The following PAPOLG variants were observed in gnomAD, a reference collection of about 807,000 sequenced individuals.
PAPOLG encodes poly(A) polymerase gamma.
In PAPOLG, 40 loss-of-function variants were observed where a neutral mutation model predicts 99.0. The observed-to-expected ratio is 0.40, with a 90% CI of 0.31 to 0.53. The LOEUF (loss-of-function observed/expected upper bound fraction) is 0.53, where lower values mean the gene tolerates loss of function less well. PAPOLG is among the 20% of genes least tolerant of loss of function. The pLI, the probability that PAPOLG is intolerant of heterozygous loss-of-function variation, is 0.41. For missense variants in PAPOLG, 675 were observed against 884.1 expected, an observed-to-expected ratio of 0.76 and a Z score of 3.00; for synonymous variants, 310 against 299.3, an observed-to-expected ratio of 1.04 and a Z score of -0.37.
intron 1 of PAPOLG, 111 bp downstream of exon 1, chr2:60,756,606 C>A: frequency 8.3e-7 from 1 of 1,209,748 alleles, no homozygotes; most frequent in Non-Finnish European, 1.1e-6. Context: ...CGCAGCTCGC[C>A]GGGATGGTCT....
chr2:60,784,716 T>A (rs190301153), intron 13 of PAPOLG, among the ~76,000 whole-genome samples: 2 of 152,354 alleles, frequency 1.3e-5, no homozygotes, highest in East Asian at 3.9e-4. Flanking sequence ...GCCACCTATT[T>A]TTATAAAGTT....
At chr2:60,787,283 C>A (rs752607671) in intron 14 of PAPOLG, among the ~76,000 whole-genome samples, 1 of 152,130 alleles carries the variant, frequency 6.6e-6, no homozygotes, top group African/African-American at 2.4e-5. Flanking sequence ...TTTGGAGCAT[C>A]TTTAAGAATA....
Position 60,768,457 on chromosome 2 carries a change from A to G in PAPOLG, c.247-13A>G. The G allele has an allele frequency of 6.2e-7, 1 of 1,611,716 alleles. No individual in the cohort carries two copies. Among genetic ancestry groups the G allele is most frequent in the Non-Finnish European group, 8.5e-7 (1 of 1,179,068 alleles). On this transcript the variant is annotated splice_polypyrimidine_tract_variant and intron_variant, in intron 3 of 21. Transcript: ENST00000238714. ...TTGAATAATTGAATGTCTTCCGCTT[A>G]ATTTTATTTTAGAACCTCCCACCTT...
chr2:60,777,188 G>C (rs1200852214), intron 8 of PAPOLG, among the ~76,000 whole-genome samples: 4 of 152,184 alleles, frequency 2.6e-5, no homozygotes, highest in African/African-American at 9.6e-5. Flanking sequence ...AGGCGCAGTG[G>C]CTCACAGCTG....
At position 60,760,155 on chromosome 2, in the gene PAPOLG, G is replaced by A; in HGVS notation, c.39G>A (p.Gln13=). 6.2e-7 allele frequency: 1 copy of A among 1,614,008 alleles called. No homozygotes were observed. The highest frequency in any genetic ancestry group is 1.1e-5 in the South Asian group (1 of 91,070). ...EMSANTVLDS[Q]RQQKHYGITS... is the part of the protein sequence containing the mutation. Reference sequence around the variant, plus strand: ...ACAGAAACACCGTGCTGGACAGCCAGCGTCAACAAAAGCATTATGGAATTA... The same window carrying A: ...ACAGAAACACCGTGCTGGACAGCCAACGTCAACAAAAGCATTATGGAATTA... Residue 13 remains glutamine, a synonymous_variant, in exon 2 of 22, where the codon CAG becomes CAA. Coordinates refer to ENST00000238714, the MANE Select transcript of PAPOLG (RefSeq NM_022894.4).
At chr2:60,756,769 C>T (rs750892829) in intron 1 of PAPOLG, among the ~76,000 whole-genome samples, 1 of 152,076 alleles carries the variant, frequency 6.6e-6, no homozygotes, top group Non-Finnish European at 1.5e-5. Context: ...AAAGAGGTGC[C>T]TGTGTCCGTA....
chr2:60,796,707 TC>T (rs1041512810), intron 21 of PAPOLG, among the ~76,000 whole-genome samples: 25 of 148,382 alleles, frequency 1.7e-4, no homozygotes, highest in Admixed American at 1.6e-3. Flanking sequence ...TCCTGTTTAG[TC>T]ACCATGAACT....
chr2:60,792,135 C>T lies in PAPOLG; in HGVS notation c.1525C>T (p.Leu509Phe), dbSNP rs1398672015. 1.3e-6 allele frequency: 2 copies of T among 1,578,106 alleles called. No homozygotes were observed. The highest frequency in any genetic ancestry group is 1.4e-5 in the African/African-American group (1 of 72,640). ...EILQKKKKQS[L>F]SDVNRSSGGL... ...AATCGTTCCCTTCTTTCAGCAAAGTCTCTCTGATGTCAATCGAAGCTCGGG... is the reference window on the plus strand; with the variant it reads ...AATCGTTCCCTTCTTTCAGCAAAGTTTCTCTGATGTCAATCGAAGCTCGGG... Residue 509 changes from leucine to phenylalanine, a missense_variant, in exon 17 of 22, where the codon CTC becomes TTC. By Grantham distance (22) the Leu-to-Phe change is conservative (BLOSUM62 0). Coordinates refer to ENST00000238714, the MANE Select transcript of PAPOLG (RefSeq NM_022894.4).
Position 60,760,130 on chromosome 2 carries a change from A to T in PAPOLG, c.18-4A>T. On this transcript the variant is annotated splice_polypyrimidine_tract_variant and splice_region_variant and intron_variant, in intron 1 of 21. Transcript: ENST00000238714. ...TGTTTCATTTTTCTTATTTTCTTGA[A>T]CAGAAACACCGTGCTGGACAGCCAG... 1.9e-6 allele frequency: 3 copies of T among 1,612,538 alleles called. No homozygotes were observed. The highest frequency in any genetic ancestry group is 2.5e-6 in the Non-Finnish European group (3 of 1,179,584).
rs7600399 is a variant in PAPOLG at position 60,792,881 on chromosome 2, C to G, written c.1679+592C>G. ...CAAAACCACATCTCTACTAAAAATG[C>G]AAAAATTAACAGGGTGTGGTGGCAT... is the stretch of plus-strand genomic sequence containing the variant. On this transcript the variant is annotated intron_variant, in intron 17 of 21. Transcript: ENST00000238714. 3.7e-3 allele frequency among the ~76,000 whole-genome samples: 564 copies of G among 152,134 alleles called. 6 individuals carry two copies. The highest frequency in any genetic ancestry group is 0.013 in the African/African-American group (554 of 41,518).
intron 3 of PAPOLG, among the ~76,000 whole-genome samples, chr2:60,765,483 C>T (rs1670651015): frequency 6.6e-6 from 1 of 151,424 alleles, no homozygotes; most frequent in Non-Finnish European, 1.5e-5. Context: ...GTGAACCTCC[C>T]ACCTCAGCCT....
intron 8 of PAPOLG, among the ~76,000 whole-genome samples, chr2:60,778,957 G>A (rs976303837): frequency 6.6e-6 from 1 of 152,042 alleles, no homozygotes; most frequent in African/African-American, 2.4e-5. Context: ...CCATGGTGGT[G>A]CACCCCTGTA....
At chr2:60,779,933 A>G (rs1414047349) in intron 9 of PAPOLG, among the ~76,000 whole-genome samples, 158 bp downstream of exon 9, 2 of 152,238 alleles carry the variant, frequency 1.3e-5, no homozygotes, top group African/African-American at 4.8e-5. Flanking sequence ...ATGGTGGGAC[A>G]TCTAATTGGC....
At chr2:60,762,606 T>TTTTTTTA (rs1362827510) in intron 3 of PAPOLG, among the ~76,000 whole-genome samples, 1 of 152,174 alleles carries the variant, frequency 6.6e-6, no homozygotes, top group African/African-American at 2.4e-5. Context: ...ACTGTAATTT[T>TTTTTTTA]TTTTTTATTA....
At chr2:60,782,906 G>GAGATA (rs1456370244) in intron 12 of PAPOLG, 136 bp downstream of exon 12, 1 of 1,167,444 alleles carries the variant, frequency 8.6e-7, no homozygotes, top group Non-Finnish European at 1.1e-6. Flanking sequence ...AAAATCCTAA[G>GAGATA]AGATAAGAGT....
At chr2:60,764,504 C>T (rs10172614) in intron 3 of PAPOLG, among the ~76,000 whole-genome samples, 33,704 of 151,606 alleles carry the variant, frequency 0.22, 4,177 homozygotes, top group African/African-American at 0.31. Context: ...GCAACCTCCG[C>T]CTCCCAGGCT....
rs1432459063 is a variant in PAPOLG, at chr2:60,799,044, T to C, written c.*1884T>C. 2 of 152,386 alleles carry C rather than the reference T, an allele frequency of 1.3e-5. No homozygotes were observed. The highest frequency in any genetic ancestry group is 1.3e-4 in the Admixed American group (2 of 15,284). 9.4% of individuals were successfully genotyped at this position (152,386 alleles called of 1,614,324 possible). On this transcript the variant is annotated 3_prime_UTR_variant, in exon 22 of 22. Coordinates refer to ENST00000238714, the MANE Select transcript of PAPOLG (RefSeq NM_022894.4). ...TGGGATTGTTCTACAAATAGTCTAT[T>C]TGAGCAAAAATGAATGATTATGAAA...
chr2:60,789,591 A>G (rs527613744), intron 15 of PAPOLG, among the ~76,000 whole-genome samples: 10 of 152,142 alleles, frequency 6.6e-5, no homozygotes, highest in African/African-American at 2.2e-4. Flanking sequence ...ATTGCTGAAT[A>G]TATTTCAGGA....
At chr2:60,793,876 A>G (rs946596547) in intron 18 of PAPOLG, 95 bp from the exon 19 acceptor site, 1 of 1,441,504 alleles carries the variant, frequency 6.9e-7, no homozygotes, top group Non-Finnish European at 9.4e-7. Flanking sequence ...AAGCCACTGC[A>G]CTGCAGCCTG....
Sources: gnomAD v4.1 joint callset for allele counts (sites outside exome capture counted in the v4.1 genomes callset) on GRCh38, gnomAD v4.1.1 for gene constraint, MANE v1.5 for transcripts, NCBI Gene and HGNC (gene_info 2026-07-23, HGNC 2026-07-21) for gene names.